The following NTM variants were observed in gnomAD, a reference collection of about 807,000 sequenced individuals.
NTM encodes the protein IgLON family member 2.
A neutral mutation model predicts 42.1 loss-of-function variants in NTM; 13 were observed. The ratio of observed to expected loss-of-function variants is 0.31; its 90% CI spans 0.20 to 0.49. The LOEUF is 0.49. Ranked by LOEUF, NTM falls within the 20% of genes least tolerant of loss-of-function variation. The pLI, the probability that NTM is intolerant of heterozygous loss-of-function variation, is 0.99. For missense variants in NTM, 373 were observed against 452.8 expected, an observed-to-expected ratio of 0.82 and a Z score of 1.60; for synonymous variants, 187 against 179.2, an observed-to-expected ratio of 1.04 and a Z score of -0.35.
intron 1 of NTM, among the ~76,000 whole-genome samples, chr11:131,432,405 A>C (rs1457715843): frequency 6.6e-6 from 1 of 152,190 alleles, no homozygotes; most frequent in African/African-American, 2.4e-5. Context: ...AAACTGACAG[A>C]GGATCTTCTT....
At chr11:132,022,530 A>G (rs117289555) in intron 2 of NTM, among the ~76,000 whole-genome samples, 7,542 of 152,270 alleles carry the variant, frequency 0.05, 261 homozygotes, top group Non-Finnish European at 0.073. Context: ...ACTCTTTGCG[A>G]GTTCCCTTGT....
chr11:132,030,642 G>C (rs2075793416), intron 2 of NTM, among the ~76,000 whole-genome samples: 1 of 152,220 alleles, frequency 6.6e-6, no homozygotes, highest in Non-Finnish European at 1.5e-5. Flanking sequence ...TTTGGATATT[G>C]TGGAGTTGGA....
chr11:131,596,594 C>G (rs1044825376), intron 1 of NTM, among the ~76,000 whole-genome samples: 3 of 152,330 alleles, frequency 2.0e-5, no homozygotes, highest in South Asian at 4.1e-4. Context: ...GCAGTGGGGA[C>G]AGCATTCATT....
At chr11:131,475,943 G>GAT (rs1952889469) in intron 1 of NTM, among the ~76,000 whole-genome samples, 1 of 152,144 alleles carries the variant, frequency 6.6e-6, no homozygotes, top group African/African-American at 2.4e-5. Flanking sequence ...CAGACACTGA[G>GAT]ATATGGGCAT....
chr11:131,745,902 CCT>C (rs754113955), intron 1 of NTM, among the ~76,000 whole-genome samples: 2 of 152,084 alleles, frequency 1.3e-5, no homozygotes, highest in Admixed American at 6.5e-5. Flanking sequence ...GCAAAAAACC[CCT>C]GTTTAATTCA....
chr11:132,066,065 A>G (rs1194264518), intron 2 of NTM, among the ~76,000 whole-genome samples: 2 of 152,190 alleles, frequency 1.3e-5, no homozygotes, highest in Non-Finnish European at 2.9e-5. Context: ...ATGAAGCACA[A>G]TTTGAAAATC....
chr11:131,732,512 C>T (rs2079823884), intron 1 of NTM, among the ~76,000 whole-genome samples: 3 of 152,182 alleles, frequency 2.0e-5, no homozygotes, highest in Non-Finnish European at 1.5e-5. Context: ...AACTTTCTCA[C>T]TGTGAGATTT....
At chr11:131,404,743 T>C (rs1406236974) in intron 1 of NTM, among the ~76,000 whole-genome samples, 1 of 152,206 alleles carries the variant, frequency 6.6e-6, no homozygotes, top group Non-Finnish European at 1.5e-5. Flanking sequence ...TTAGTTGCCA[T>C]TGCCTGAACA....
intron 1 of NTM, among the ~76,000 whole-genome samples, chr11:131,415,424 A>G (rs774212460): frequency 6.6e-6 from 1 of 152,244 alleles, no homozygotes; most frequent in Non-Finnish European, 1.5e-5. Context: ...AGGCAAGGTC[A>G]TTATGGGAAA....
intron 1 of NTM, among the ~76,000 whole-genome samples, chr11:131,789,632 A>T (rs965412920): frequency 1.1e-5 from 1 of 90,444 alleles, no homozygotes. Context: ...GAAGAAGAAG[A>T]AGAAAAGAAG....
intron 1 of NTM, among the ~76,000 whole-genome samples, chr11:131,741,663 G>C (rs999325700): frequency 3.3e-5 from 5 of 152,300 alleles, no homozygotes; most frequent in Middle Eastern, 3.4e-3. Context: ...AATTCAAAGA[G>C]AAAGAGGAGA....
intron 1 of NTM, among the ~76,000 whole-genome samples, chr11:131,906,954 T>G (rs1297980217): frequency 1.3e-5 from 2 of 152,224 alleles, no homozygotes; most frequent in Non-Finnish European, 2.9e-5. Flanking sequence ...ATAGCATATA[T>G]TTTTCCAGTT....
intron 7 of NTM, among the ~76,000 whole-genome samples, chr11:132,317,340 C>T (rs984804445): frequency 7.9e-5 from 12 of 152,116 alleles, no homozygotes; most frequent in African/African-American, 2.9e-4. Flanking sequence ...AAACTTTAGT[C>T]CTTTGTTATC....
At chr11:131,479,889 A>AT (rs559572686) in intron 1 of NTM, among the ~76,000 whole-genome samples, 95 of 151,806 alleles carry the variant, frequency 6.3e-4, no homozygotes, top group Non-Finnish European at 1.2e-3. Flanking sequence ...ATTTTGATAA[A>AT]TTTTTTTTTA....
intron 1 of NTM, among the ~76,000 whole-genome samples, chr11:131,589,704 C>G (rs2059199333): frequency 6.6e-6 from 1 of 152,168 alleles, no homozygotes; most frequent in Non-Finnish European, 1.5e-5. Flanking sequence ...AAAAATGTTC[C>G]TGCATCCACA....
intron 1 of NTM, among the ~76,000 whole-genome samples, chr11:131,401,824 A>ATG (rs1555101767): frequency 9.4e-5 from 6 of 64,120 alleles, no homozygotes; most frequent in African/African-American, 2.9e-4. Flanking sequence ...ATATATATAT[A>ATG]TATATATATA....
At chr11:131,710,575 C>T (rs2135286483) in intron 1 of NTM, among the ~76,000 whole-genome samples, 1 of 152,264 alleles carries the variant, frequency 6.6e-6, no homozygotes, top group South Asian at 2.1e-4. Context: ...GAGTCAGTCC[C>T]TTGCCTTTAA....
At chr11:131,829,064 A>T (rs2042485029) in intron 1 of NTM, among the ~76,000 whole-genome samples, 1 of 151,450 alleles carries the variant, frequency 6.6e-6, no homozygotes, top group South Asian at 2.1e-4. Context: ...TCAAGATCAT[A>T]TAACCTCCTT....
intron 4 of NTM, among the ~76,000 whole-genome samples, chr11:132,293,793 T>C (rs1315943515): frequency 1.3e-5 from 2 of 152,168 alleles, no homozygotes; most frequent in Non-Finnish European, 2.9e-5. Flanking sequence ...AAAGTAAAGT[T>C]TTTTTGGAGT....
Sources: allele counts gnomAD v4.1 joint callset (sites outside exome capture counted in the v4.1 genomes callset), GRCh38; gene constraint gnomAD v4.1.1; transcripts MANE v1.5; gene names NCBI Gene and HGNC (gene_info 2026-07-23, HGNC 2026-07-21).